ATXN2: variants seen among roughly 807,000 people sequenced by gnomAD.
ATXN2 encodes ataxin-2.
A neutral mutation model predicts 138.6 loss-of-function variants in ATXN2; 37 were observed. The ratio of observed to expected loss-of-function variants is 0.27; its 90% CI spans 0.21 to 0.35. The LOEUF is 0.35. Among genes scored for constraint, ATXN2 ranks in the 10% least tolerant of loss-of-function variants. ATXN2 has a pLI of 1.00. For missense variants in ATXN2, 1,216 were observed against 1,480.3 expected, an observed-to-expected ratio of 0.82 and a Z score of 2.93; for synonymous variants, 549 against 543.7, an observed-to-expected ratio of 1.01 and a Z score of -0.13.
At chr12:111,483,877 G>A (rs988521129) in intron 18 of ATXN2, among the ~76,000 whole-genome samples, 69 of 152,092 alleles carry the variant, frequency 4.5e-4, no homozygotes, top group African/African-American at 1.6e-3. Context: ...GGACCTTCTG[G>A]TTTCAATTGA....
intron 1 of ATXN2, among the ~76,000 whole-genome samples, chr12:111,584,036 T>C (rs1884177963): frequency 6.6e-6 from 1 of 151,844 alleles, no homozygotes; most frequent in Non-Finnish European, 1.5e-5. Context: ...ACTGCGTTTC[T>C]CTGGCTCTAA....
intron 18 of ATXN2, among the ~76,000 whole-genome samples, chr12:111,476,155 A>G (rs1289479936): frequency 2.6e-5 from 4 of 152,074 alleles, no homozygotes; most frequent in African/African-American, 9.7e-5. Flanking sequence ...GTTTTCCTAC[A>G]TCACCCAGGT....
rs1879381915 is a variant in ATXN2, at chr12:111,509,617, T to C, written c.1867A>G (p.Ile623Val). 2.0e-6 allele frequency: 3 copies of C among 1,481,260 alleles called. No homozygotes were observed. Among genetic ancestry groups the C allele is most frequent in the Admixed American group, 1.9e-5 (1 of 53,544 alleles). The allele number at this position is 1,481,260 out of a possible 1,614,324, so 91.8% of individuals were successfully genotyped here. ...CTATGTTCAGAAACAACTGGTGATA[T>C]ACCTGTAAAATTAAGAACTGTTAAG... ...PSFSKAENKG[I>V]SPVVSEHRKQ... is the part of the protein sequence containing the mutation. The change falls in exon 14 of 25, where the codon ATA (isoleucine) becomes GTA (valine). Residue 623 changes from isoleucine (I) to valine (V), a missense_variant and splice_region_variant. This residue lies in a region of ATXN2 where 215 missense variants were observed against 210.0 expected (regional missense o/e 1.02). Transcript: ENST00000673436.
chr12:111,472,591 CAG>C (rs1424592729), intron 18 of ATXN2, among the ~76,000 whole-genome samples: 1 of 151,880 alleles, frequency 6.6e-6, no homozygotes, highest in African/African-American at 2.4e-5. Context: ...TTCTTTGAGA[CAG>C]AGTGTCGCTC....
At chr12:111,477,848 C>A (rs1876929651) in intron 18 of ATXN2, among the ~76,000 whole-genome samples, 1 of 152,098 alleles carries the variant, frequency 6.6e-6, no homozygotes, top group Admixed American at 6.6e-5. Context: ...ACCTCGATCA[C>A]CCCTCCATCG....
chr12:111,518,401 T>A lies in ATXN2; in HGVS notation c.1013A>T (p.Gln338Leu). 1 of 1,610,188 alleles carries A rather than the reference T, an allele frequency of 6.2e-7. No individual in the cohort carries two copies. Among genetic ancestry groups the A allele is most frequent in the Non-Finnish European group, 8.5e-7 (1 of 1,177,678 alleles). ...TRENKYIPPG[Q>L]RNREVISWGS... ...CCAGGATATGACTTCTCTATTTCTT[T>A]GTCCAGGAGGAATATATTTATTTTC... Residue 338 changes from glutamine to leucine, a missense_variant, in exon 9 of 25, where the codon CAA (glutamine) becomes CTA (leucine). By Grantham distance (113) the Gln-to-Leu change is moderately radical (BLOSUM62 -2). This residue lies in a region of ATXN2 where 401 missense variants were observed against 528.1 expected (regional missense o/e 0.76). Coordinates refer to ENST00000673436, the MANE Select transcript of ATXN2 (RefSeq NM_001372574.1).
chr12:111,488,759 C>G lies in ATXN2; in HGVS notation c.1957G>C (p.Glu653Gln). 1 of 1,607,736 alleles carries G rather than the reference C, an allele frequency of 6.2e-7. No individual in the cohort carries two copies. The highest frequency in any genetic ancestry group is 1.1e-5 in the South Asian group (1 of 90,530). ...TTGTTTAGTAGTTGATCCATAGATT[C>G]AGAAGTAGAACTTGGCTGTAACTAA... ...DFRLQPSSTS[E>Q]SMDQLLNKNR... Residue 653 changes from glutamate (E) to glutamine (Q), a missense_variant, in exon 15 of 25, where the codon GAA becomes CAA. Glu to Gln is a conservative substitution (Grantham distance 29). Around this residue, in one of 4 missense-constraint regions of ATXN2, gnomAD observed 215 missense variants for 210.0 expected, o/e 1.02. Coordinates refer to ENST00000673436, the MANE Select transcript of ATXN2 (RefSeq NM_001372574.1).
At chr12:111,584,597 C>T (rs942415737) in intron 1 of ATXN2, among the ~76,000 whole-genome samples, 6 of 151,772 alleles carry the variant, frequency 4.0e-5, no homozygotes, top group African/African-American at 1.2e-4. Flanking sequence ...CTTTGGGAGT[C>T]GAGGTGGGCA....
At chr12:111,592,793 A>AAAAAAAAAAAAAAAAAAAAAAAAAAAC (rs1884739457) in intron 1 of ATXN2, among the ~76,000 whole-genome samples, 1 of 147,102 alleles carries the variant, frequency 6.8e-6, no homozygotes, top group African/African-American at 2.5e-5. Flanking sequence ...AAAAAAAAAA[A>AAAAAAAAAAAAAAAAAAAAAAAAAAAC]AAAAAAAAAA....
chr12:111,525,377 C>T, intron 5 of ATXN2, 61 bp from the exon 6 acceptor site: 4 of 1,411,634 alleles, frequency 2.8e-6, no homozygotes, highest in Middle Eastern at 1.9e-4. Context: ...CACTCACACA[C>T]GTGAATTACC....
chr12:111,596,373 T>TCACA (rs35861967), intron 1 of ATXN2, among the ~76,000 whole-genome samples: 15,997 of 151,134 alleles, frequency 0.11, 2,656 homozygotes, highest in African/African-American at 0.35. Flanking sequence ...GAAAAACTAT[T>TCACA]CACACACACA....
At chr12:111,486,899 T>TA (rs1028517874) in intron 15 of ATXN2, 75 bp from the exon 16 acceptor site, 45 of 1,237,842 alleles carry the variant, frequency 3.6e-5, no homozygotes, top group South Asian at 2.9e-4. Context: ...CCTGACAATT[T>TA]AAAAAAAATT....
intron 14 of ATXN2, among the ~76,000 whole-genome samples, chr12:111,505,044 C>T (rs1409162842): frequency 1.3e-5 from 2 of 151,870 alleles, no homozygotes; most frequent in East Asian, 1.9e-4. Context: ...GGCAACATGG[C>T]GAAATTCTGT....
intron 1 of ATXN2, among the ~76,000 whole-genome samples, chr12:111,584,310 A>C (rs1222661422): frequency 7.0e-6 from 1 of 143,518 alleles, no homozygotes; most frequent in Non-Finnish European, 1.5e-5. Flanking sequence ...TGAGCCCAGG[A>C]AACAGAGGTT....
intron 1 of ATXN2, among the ~76,000 whole-genome samples, chr12:111,590,641 T>C: frequency 6.6e-6 from 1 of 150,546 alleles, no homozygotes; most frequent in East Asian, 2.0e-4. Context: ...GCTGAGATCG[T>C]GCCACTGCAC....
chr12:111,588,991 CAAAAAAAAAA>C (rs58116265), intron 1 of ATXN2, among the ~76,000 whole-genome samples: 80 of 38,710 alleles, frequency 2.1e-3, no homozygotes, highest in South Asian at 7.4e-3. Context: ...CGAGATTTCT[CAAAAAAAAAA>C]AAAAAAAAAA....
rs555513880 is a variant in ATXN2, at chr12:111,470,030, TTAGA to T, written c.2842+74_2842+77del. On this transcript the variant is annotated intron_variant, in intron 20 of 24. Coordinates refer to ENST00000673436, the MANE Select transcript of ATXN2 (RefSeq NM_001372574.1). ...AATGTCATAAAAGGTCAGGTTATTC[TTAGA>T]TAGAGTATGTTTTCAGAAACTTAAA... 62 of 1,458,894 alleles carry T rather than the reference TTAGA, an allele frequency of 4.2e-5. No individual in the cohort carries two copies. The East Asian group carries it at 4.4e-4, about 10-fold the overall frequency. 90.4% of individuals were successfully genotyped at this position (1,458,894 alleles called of 1,614,324 possible).
chr12:111,475,707 G>T (rs995183894), intron 18 of ATXN2, among the ~76,000 whole-genome samples: 1 of 151,082 alleles, frequency 6.6e-6, no homozygotes, highest in Non-Finnish European at 1.5e-5. Context: ...GATTTTTTTA[G>T]TAGTAAGTTA....
chr12:111,526,175 G>C (rs1880486736), intron 5 of ATXN2, among the ~76,000 whole-genome samples: 1 of 151,262 alleles, frequency 6.6e-6, no homozygotes, highest in African/African-American at 2.4e-5. Context: ...GGCCAACATG[G>C]TGAAACCCTC....
Sources: gnomAD v4.1 joint callset for allele counts (sites outside exome capture counted in the v4.1 genomes callset) on GRCh38, gnomAD v4.1.1 for gene constraint, gnomAD v4.1.1 regional missense constraint, MANE v1.5 for transcripts, NCBI Gene and HGNC (gene_info 2026-07-23, HGNC 2026-07-21) for gene names.